The following STK33 variants were observed in gnomAD, a reference collection of about 807,000 sequenced individuals.
STK33 encodes serine/threonine kinase 33, also known as serine/threonine-protein kinase 33.
In STK33, 52 loss-of-function variants were observed where a neutral mutation model predicts 58.0. That is an observed-to-expected ratio of 0.90 (90% CI 0.72 to 1.13). The LOEUF (loss-of-function observed/expected upper bound fraction) is 1.13. Among genes scored for constraint, STK33 ranks in the 50% most tolerant of loss-of-function variants. The pLI, the probability that STK33 is intolerant of heterozygous loss-of-function variation, is 0.00. For synonymous variants in STK33, 215 were observed against 200.1 expected, an observed-to-expected ratio of 1.07 and a Z score of -0.63; for missense variants, 630 against 604.2, an observed-to-expected ratio of 1.04 and a Z score of -0.45.
intron 11 of STK33, among the ~76,000 whole-genome samples, chr11:8,446,494 T>C (rs1945484177): frequency 6.6e-6 from 1 of 152,006 alleles, no homozygotes; most frequent in South Asian, 2.1e-4. Flanking sequence ...TCTTCCCCAC[T>C]TTCTCCTATA....
intron 14 of STK33, among the ~76,000 whole-genome samples, chr11:8,414,220 G>A (rs1470412579): frequency 6.6e-6 from 1 of 152,042 alleles, no homozygotes; most frequent in African/African-American, 2.4e-5. Context: ...AATATAATGT[G>A]GTCATTTGAT....
chr11:8,544,436 TAGA>T (rs1424955306), intron 1 of STK33, among the ~76,000 whole-genome samples: 1 of 150,464 alleles, frequency 6.6e-6, no homozygotes, highest in Non-Finnish European at 1.5e-5. Context: ...AACAAATACT[TAGA>T]AGAATAATGA....
the STK33 span, among the ~76,000 whole-genome samples, chr11:8,348,038 T>A: frequency 4.6e-5 from 7 of 152,146 alleles, no homozygotes; most frequent in Admixed American, 4.6e-4. Context: ...AGACAATGCC[T>A]CCCACTGGGA....
Position 8,392,302 on chromosome 11 carries a change from G to T in STK33, c.*208C>A. On this transcript the variant is annotated 3_prime_UTR_variant, in exon 16 of 16. Coordinates refer to ENST00000687296, the MANE Select transcript of STK33 (RefSeq NM_001352389.2). ...ACTGCAGCCCACTGCCAAGCCTACT[G>T]GTGGCTGTCCTTTAATGCCATGTGC... is the stretch of plus-strand genomic sequence containing the variant. The T allele has an allele frequency of 1.6e-6, 1 of 609,428 alleles. No homozygotes were observed. Among genetic ancestry groups the T allele is most frequent in the Non-Finnish European group, 2.9e-6 (1 of 349,902 alleles). The allele number at this position is 609,428 out of a possible 1,614,324, so 37.8% of individuals were successfully genotyped here.
chr11:8,489,347 T>C (rs1452110910), intron 1 of STK33, among the ~76,000 whole-genome samples: 2 of 150,234 alleles, frequency 1.3e-5, no homozygotes, highest in Non-Finnish European at 1.5e-5. Flanking sequence ...ACACCAAATA[T>C]AGATGATCAA....
At chr11:8,490,324 C>G (rs1011872640) in intron 1 of STK33, among the ~76,000 whole-genome samples, 1 of 152,238 alleles carries the variant, frequency 6.6e-6, no homozygotes, top group Non-Finnish European at 1.5e-5. Flanking sequence ...GCCAGCACAG[C>G]AGTCTGAGAA....
chr11:8,563,936 G>GA (rs963776259), intron 1 of STK33, among the ~76,000 whole-genome samples: 2 of 151,762 alleles, frequency 1.3e-5, no homozygotes, highest in South Asian at 2.1e-4. Context: ...GAACTGTGGG[G>GA]AAAAAAAAGA....
the STK33 span, among the ~76,000 whole-genome samples, chr11:8,339,890 C>A: frequency 6.6e-6 from 1 of 152,218 alleles, no homozygotes; most frequent in African/African-American, 2.4e-5. Context: ...GGTGAGTCCT[C>A]ACCTCCTCTC....
intron 1 of STK33, among the ~76,000 whole-genome samples, chr11:8,483,052 T>C (rs1270449249): frequency 6.6e-6 from 1 of 152,134 alleles, no homozygotes; most frequent in South Asian, 2.1e-4. Flanking sequence ...TCTTATGTAA[T>C]TGTTGTGAGG....
chr11:8,406,094 G>C (rs779313232), intron 15 of STK33, among the ~76,000 whole-genome samples: 1 of 137,412 alleles, frequency 7.3e-6, no homozygotes, highest in African/African-American at 2.7e-5. Context: ...AGTGAGCCGA[G>C]ATCGCGCCAC....
chr11:8,353,054 T>C, the STK33 span, among the ~76,000 whole-genome samples: 152,260 of 152,326 alleles, frequency 1, 76,097 homozygotes, highest in Middle Eastern at 1. Flanking sequence ...CTCAGCAGGG[T>C]CTTTCACTCC....
chr11:8,437,662 T>C (rs1403748192), intron 12 of STK33, among the ~76,000 whole-genome samples: 1 of 149,096 alleles, frequency 6.7e-6, no homozygotes, highest in Non-Finnish European at 1.5e-5. Flanking sequence ...TTTTTCTTTA[T>C]TTAAAAATCT....
chr11:8,453,524 C>G (rs1046068114), intron 10 of STK33, among the ~76,000 whole-genome samples: 2 of 152,152 alleles, frequency 1.3e-5, no homozygotes, highest in South Asian at 4.1e-4. Flanking sequence ...ACCACAACAA[C>G]AAGTATTAAC....
intron 14 of STK33, among the ~76,000 whole-genome samples, chr11:8,427,547 C>T (rs1490863232): frequency 1.3e-5 from 2 of 151,914 alleles, no homozygotes; most frequent in African/African-American, 4.8e-5. Flanking sequence ...TTCCTCCTCC[C>T]CCTTTTTATT....
chr11:8,437,022 C>T (rs911945215), intron 12 of STK33, among the ~76,000 whole-genome samples: 26 of 152,082 alleles, frequency 1.7e-4, no homozygotes, highest in Admixed American at 7.9e-4. Flanking sequence ...TTCTATAGGA[C>T]CTAAGTCAAT....
intron 11 of STK33, among the ~76,000 whole-genome samples, chr11:8,448,248 C>G (rs1285595334): frequency 6.6e-6 from 1 of 152,160 alleles, no homozygotes; most frequent in African/African-American, 2.4e-5. Context: ...CATCAAGCTA[C>G]CAATGACTTT....
At position 8,578,540 on chromosome 11, in the gene STK33, G is replaced by A. The variant is rs1958343717; in HGVS notation, c.-466+15543C>T. Among the ~76,000 whole-genome samples the A allele has an allele frequency of 7.3e-5, 11 of 151,400 alleles. No homozygotes were observed. The South Asian group carries it at 2.3e-3, about 32-fold the overall frequency. On this transcript the variant is annotated intron_variant, in intron 1 of 15. Transcript: ENST00000687296. ...ATACTACCACTTGTATAAAATAAGG[G>A]TAACATTTTATTTATATATAATATA...
At chr11:8,479,011 T>C (rs893663418) in intron 2 of STK33, among the ~76,000 whole-genome samples, 3 of 152,228 alleles carry the variant, frequency 2.0e-5, no homozygotes, top group Admixed American at 6.5e-5. Context: ...GTTTGAGTGA[T>C]GTTTACTATT....
the STK33 span, among the ~76,000 whole-genome samples, chr11:8,338,721 T>G: frequency 6.6e-6 from 1 of 152,132 alleles, no homozygotes; most frequent in Admixed American, 6.5e-5. Context: ...AGTTTCCCCA[T>G]CTGCAACGTG....
Sources: allele counts gnomAD v4.1 joint callset (sites outside exome capture counted in the v4.1 genomes callset), GRCh38; gene constraint gnomAD v4.1.1; transcripts MANE v1.5; gene names NCBI Gene and HGNC (gene_info 2026-07-23, HGNC 2026-07-21).